Variants in MPP7 observed in about 807,000 individuals in gnomAD.
MPP7 encodes the protein MAGUK p55 scaffold protein 7.
MPP7 carries 60 observed loss-of-function variants against 76.5 expected under a neutral mutation model. That is an observed-to-expected ratio of 0.78 (90% CI 0.64 to 0.97). The LOEUF is 0.97. MPP7 is among the 50% of genes least tolerant of loss of function. The pLI is 0.00. For synonymous variants in MPP7, 237 were observed against 244.5 expected, an observed-to-expected ratio of 0.97 and a Z score of 0.29; for missense variants, 641 against 694.0, an observed-to-expected ratio of 0.92 and a Z score of 0.86.
In MPP7 at chr10:28,125,060, C is replaced by T; in HGVS notation, c.479G>A (p.Gly160Glu). ...CATGATTCTGGCCACAATGATCGCC[C>T]CGGTCTGTTCATCCTTCTTAATGGT... is the stretch of plus-strand genomic sequence containing the variant. ...GATIKKDEQT[G>E]AIIVARIMRG... The change falls in exon 7 of 17, where the codon GGG (glycine) becomes GAG (glutamate). Residue 160 changes from glycine to glutamate, a missense_variant. By Grantham distance (98) the Gly-to-Glu change is moderately conservative (BLOSUM62 -2). Coordinates refer to ENST00000683449, the MANE Select transcript of MPP7 (RefSeq NM_001318170.2). The T allele has an allele frequency of 6.2e-7, 1 of 1,614,026 alleles. No homozygotes were observed. Among genetic ancestry groups the T allele is most frequent in the Non-Finnish European group, 8.5e-7 (1 of 1,179,974 alleles).
At position 28,125,200 on chromosome 10, in the gene MPP7, CG is replaced by C. The variant is rs1834980006; in HGVS notation, c.448-110del. 5.5e-6 allele frequency: 5 copies of C among 902,258 alleles called. No homozygotes were observed. In the East Asian group the frequency reaches 7.6e-5, roughly 14 times the overall value. The allele number at this position is 902,258 out of a possible 1,614,324, so 55.9% of individuals were successfully genotyped here. ...AAAAAAGAGAAAACAACTACAAAAA[CG>C]AAAAAAAAGAAATGAGGCAGGAAAA... On this transcript the variant is annotated intron_variant, in intron 6 of 16. Coordinates refer to ENST00000683449, the MANE Select transcript of MPP7 (RefSeq NM_001318170.2).
intron 2 of MPP7, among the ~76,000 whole-genome samples, chr10:28,215,247 C>T (rs1471753662): frequency 2.0e-5 from 3 of 152,118 alleles, no homozygotes; most frequent in African/African-American, 7.2e-5. Context: ...GTGTGAATTA[C>T]TCTTTCTCCA....
At chr10:28,291,099 G>T (rs75365740) in intron 1 of MPP7, among the ~76,000 whole-genome samples, 1,580 of 152,204 alleles carry the variant, frequency 0.01, 30 homozygotes, top group East Asian at 0.071. Context: ...AGTATTTCAG[G>T]ATATTAGAAT....
At chr10:28,297,802 T>A (rs753194477) in intron 1 of MPP7, among the ~76,000 whole-genome samples, 6 of 152,226 alleles carry the variant, frequency 3.9e-5, no homozygotes, top group Admixed American at 6.5e-5. Flanking sequence ...TCATTCACAA[T>A]TGAAGTCAAT....
chr10:28,219,763 A>C (rs1181972814), intron 2 of MPP7, among the ~76,000 whole-genome samples: 2 of 152,182 alleles, frequency 1.3e-5, no homozygotes, highest in African/African-American at 4.8e-5. Flanking sequence ...TAAAGAACAT[A>C]TATCGACGCC....
chr10:28,122,981 TATTTA>T (rs1588807165), intron 8 of MPP7, among the ~76,000 whole-genome samples: 1 of 152,168 alleles, frequency 6.6e-6, no homozygotes, highest in African/African-American at 2.4e-5. Context: ...TTTTTGCACT[TATTTA>T]ATTTGTTGGG....
intron 12 of MPP7, among the ~76,000 whole-genome samples, chr10:28,085,691 G>A (rs958486617): frequency 1.3e-5 from 2 of 152,130 alleles, no homozygotes; most frequent in African/African-American, 4.8e-5. Context: ...TCCAGTTTAG[G>A]ACTATGTCGA....
intron 1 of MPP7, among the ~76,000 whole-genome samples, chr10:28,333,372 T>C (rs958652362): frequency 1.3e-5 from 2 of 152,124 alleles, no homozygotes; most frequent in African/African-American, 4.8e-5. Context: ...CTCGAACTCC[T>C]GACCTAAGGT....
intron 3 of MPP7, among the ~76,000 whole-genome samples, chr10:28,182,715 A>G (rs1441364667): frequency 1.3e-5 from 2 of 152,248 alleles, no homozygotes; most frequent in African/African-American, 4.8e-5. Context: ...ATAGCAATGT[A>G]AACAAATGAA....
intron 1 of MPP7, among the ~76,000 whole-genome samples, chr10:28,249,933 G>A (rs1472369973): frequency 6.6e-6 from 1 of 151,030 alleles, no homozygotes; most frequent in Non-Finnish European, 1.5e-5. Context: ...TGAAATTTTT[G>A]TTGATGAAAA....
Position 28,303,037 on chromosome 10 carries a change from C to G in MPP7, c.-308G>C, listed in dbSNP as rs946134419. Among the ~76,000 whole-genome samples, 22 of 150,146 alleles carry G rather than the reference C, an allele frequency of 1.5e-4. No homozygotes were observed. Among genetic ancestry groups the G allele is most frequent in the African/African-American group, 5.3e-4 (22 of 41,334 alleles). On this transcript the variant is annotated 5_prime_UTR_variant, in exon 1 of 17. Coordinates refer to ENST00000683449, the MANE Select transcript of MPP7 (RefSeq NM_001318170.2). ...GCACGAGCCCAGTGGGAGCCCGGCC[C>G]CCGCCTCCAGCCCGGCTAGTAACCA... is the stretch of plus-strand genomic sequence containing the variant.
intron 2 of MPP7, among the ~76,000 whole-genome samples, chr10:28,323,260 G>A (rs970896303): frequency 6.6e-6 from 1 of 152,076 alleles, no homozygotes; most frequent in African/African-American, 2.4e-5. Flanking sequence ...ACTCCAGCCT[G>A]TGTGACAGAG....
chr10:28,069,918 CAT>C, intron 12 of MPP7, 66 bp from the exon 13 acceptor site: 4 of 1,194,504 alleles, frequency 3.3e-6, no homozygotes. Context: ...CTGTAACTGA[CAT>C]GAGTCTCTAA....
intron 1 of MPP7, among the ~76,000 whole-genome samples, chr10:28,333,389 C>A (rs2133195010): frequency 6.6e-6 from 1 of 152,320 alleles, no homozygotes; most frequent in Admixed American, 6.5e-5. Flanking sequence ...AGGTGATCCA[C>A]CCATCTCAGC....
chr10:28,264,619 A>G (rs1057198384), intron 1 of MPP7, among the ~76,000 whole-genome samples: 2 of 152,022 alleles, frequency 1.3e-5, no homozygotes, highest in African/African-American at 4.8e-5. Context: ...CGATCAAAGA[A>G]AAAGACAGAA....
intron 1 of MPP7, chr10:28,255,017 T>C (rs1374042514): frequency 1.3e-5 from 2 of 152,246 alleles, no homozygotes; most frequent in African/African-American, 2.4e-5. Flanking sequence ...TGTTATAAAA[T>C]GGAAACTAGA....
intron 2 of MPP7, among the ~76,000 whole-genome samples, chr10:28,208,308 T>C (rs1564702446): frequency 6.6e-6 from 1 of 152,142 alleles, no homozygotes; most frequent in African/African-American, 2.4e-5. Flanking sequence ...TTCTCCAGTA[T>C]ACAGATGGTT....
At chr10:28,115,294 G>A (rs1017493626) in intron 11 of MPP7, among the ~76,000 whole-genome samples, 12 of 152,014 alleles carry the variant, frequency 7.9e-5, no homozygotes, top group South Asian at 2.1e-4. Flanking sequence ...TAGTAGAGAC[G>A]GGGTTTCACT....
intron 3 of MPP7, among the ~76,000 whole-genome samples, chr10:28,201,783 C>A (rs1410463303): frequency 6.6e-6 from 1 of 152,160 alleles, no homozygotes; most frequent in African/African-American, 2.4e-5. Flanking sequence ...GAACTGCTGC[C>A]ATCCTTGACC....
Sources: allele counts gnomAD v4.1 joint callset (sites outside exome capture counted in the v4.1 genomes callset), GRCh38; gene constraint gnomAD v4.1.1; transcripts MANE v1.5; gene names NCBI Gene and HGNC (gene_info 2026-07-23, HGNC 2026-07-21).